Variants in PCDHGB1 observed in about 807,000 individuals in gnomAD.
PCDHGB1 encodes the protein protocadherin gamma subfamily B, 1, also known as protocadherin gamma-B1.
PCDHGB1 carries 34 observed loss-of-function variants against 56.6 expected under a neutral mutation model. The observed-to-expected ratio is 0.60, with a 90% CI of 0.46 to 0.80. The LOEUF is 0.80. Ranked by LOEUF, PCDHGB1 falls within the 30% of genes least tolerant of loss-of-function variation. The pLI is 0.00. For missense variants in PCDHGB1, 1,278 were observed against 1,204.6 expected, an observed-to-expected ratio of 1.06 and a Z score of -0.90; for synonymous variants, 561 against 505.9, an observed-to-expected ratio of 1.11 and a Z score of -1.46.
chr5:141,511,230 C>A lies in PCDHGB1; in HGVS notation c.*57C>A. On this transcript the variant is annotated 3_prime_UTR_variant, in exon 4 of 4. Transcript: ENST00000523390. ...CCTCTCCCCAACCAGCCCAGCTTCT[C>A]CTTACCTGCACCCAGGCCTCAGAGT... 6.3e-7 allele frequency: 1 copy of A among 1,597,914 alleles called. No homozygotes were observed. The highest frequency in any genetic ancestry group is 1.1e-5 in the South Asian group (1 of 89,144).
At chr5:141,406,021 G>A (rs530576205) in intron 1 of PCDHGB1, among the ~76,000 whole-genome samples, 1 of 151,382 alleles carries the variant, frequency 6.6e-6, no homozygotes, top group East Asian at 1.9e-4. Context: ...GGCTTTTTGG[G>A]TAGGGTTGCT....
At chr5:141,384,991 G>A in intron 1 of PCDHGB1, 2 of 1,614,124 alleles carry the variant, frequency 1.2e-6, no homozygotes, top group Non-Finnish European at 1.7e-6. Context: ...GGTGGCGGTG[G>A]CCACAGTCTC....
chr5:141,355,386 C>A (rs1561508672), intron 1 of PCDHGB1: 1 of 1,614,032 alleles, frequency 6.2e-7, no homozygotes. Context: ...TGGCGGAGCG[C>A]GGAGTCCGCA....
At chr5:141,501,997 C>A (rs2099812238) in intron 2 of PCDHGB1, among the ~76,000 whole-genome samples, 1 of 152,128 alleles carries the variant, frequency 6.6e-6, no homozygotes, top group Non-Finnish European at 1.5e-5. Context: ...GTCTCCCTGA[C>A]AACCCGCATG....
chr5:141,383,743 C>T (rs371173445), intron 1 of PCDHGB1: 56 of 1,613,920 alleles, frequency 3.5e-5, no homozygotes, highest in Non-Finnish European at 4.7e-5. Flanking sequence ...ATATTCTTTT[C>T]GGAAAATAAC....
chr5:141,355,817 C>G, intron 1 of PCDHGB1: 1 of 1,612,886 alleles, frequency 6.2e-7, no homozygotes, highest in African/African-American at 1.3e-5. Context: ...GAGGAAGAGG[C>G]GGTTCACCAC....
At chr5:141,418,163 T>G in intron 1 of PCDHGB1, 1 of 1,614,002 alleles carries the variant, frequency 6.2e-7, no homozygotes, top group Non-Finnish European at 8.5e-7. Context: ...GAGAAGAAGA[T>G]GTGAGTTGCA....
At chr5:141,417,887 C>T in intron 1 of PCDHGB1, 2 of 1,564,888 alleles carry the variant, frequency 1.3e-6, no homozygotes, top group Non-Finnish European at 1.7e-6. Flanking sequence ...GCAGAGGCGC[C>T]GGGCCGGCCC....
chr5:141,354,069 C>A (rs1759464021), intron 1 of PCDHGB1, among the ~76,000 whole-genome samples: 1 of 152,146 alleles, frequency 6.6e-6, no homozygotes, highest in South Asian at 2.1e-4. Context: ...TGTTCGGCTA[C>A]CAAAACATTT....
intron 1 of PCDHGB1, chr5:141,419,989 T>C (rs778087109): frequency 4.1e-5 from 66 of 1,613,962 alleles, no homozygotes; most frequent in Non-Finnish European, 5.2e-5. Context: ...TGATTCTAGC[T>C]ATTGCTCTAC....
intron 1 of PCDHGB1, chr5:141,383,013 G>T: frequency 6.2e-7 from 1 of 1,613,828 alleles, no homozygotes; most frequent in South Asian, 1.1e-5. Context: ...TGTCGGAGGA[G>T]ACGGACAAAG....
In PCDHGB1 at chr5:141,372,747, G is replaced by A; in HGVS notation, c.2409+20078G>A. ...ACCACAAGATCTTCTATGTGATGAA[G>A]CCTCTTGGTTTGAAAGTAATGACAA... On this transcript the variant is annotated intron_variant, in intron 1 of 3. Transcript: ENST00000523390. The A allele has an allele frequency of 2.5e-6, 4 of 1,613,418 alleles. 1 individual carries two copies. Among genetic ancestry groups the A allele is most frequent in the East Asian group, 4.5e-5 (2 of 44,880 alleles).
intron 3 of PCDHGB1, among the ~76,000 whole-genome samples, chr5:141,508,989 G>A (rs900798347): frequency 1.3e-5 from 2 of 152,110 alleles, no homozygotes; most frequent in Non-Finnish European, 2.9e-5. Flanking sequence ...GGGGCCAGCT[G>A]GGGTAGGAGA....
chr5:141,374,719 T>C, intron 1 of PCDHGB1: 3 of 1,610,224 alleles, frequency 1.9e-6, no homozygotes, highest in Non-Finnish European at 1.7e-6. Flanking sequence ...GCCTGGTCCT[T>C]ACTGCCATGG....
At chr5:141,414,629 G>A (rs2095766704) in intron 1 of PCDHGB1, 2 of 1,613,882 alleles carry the variant, frequency 1.2e-6, no homozygotes, top group Non-Finnish European at 1.7e-6. Context: ...GACCCGGACA[G>A]CAAAGAGAAT....
intron 1 of PCDHGB1, among the ~76,000 whole-genome samples, chr5:141,358,037 A>G (rs1416224011): frequency 6.6e-6 from 1 of 152,124 alleles, no homozygotes; most frequent in Non-Finnish European, 1.5e-5. Flanking sequence ...TAAAATACAA[A>G]AAGTTAGCTA....
chr5:141,374,042 C>T (rs757758510), intron 1 of PCDHGB1: 1 of 1,460,408 alleles, frequency 6.8e-7, no homozygotes, highest in Admixed American at 2.7e-5. Context: ...CAGATCTGTT[C>T]TTCCTCTTCT....
At chr5:141,368,452 C>G (rs75043959) in intron 1 of PCDHGB1, among the ~76,000 whole-genome samples, 11 of 151,980 alleles carry the variant, frequency 7.2e-5, no homozygotes, top group Middle Eastern at 3.4e-3. Context: ...ACAAACTCAC[C>G]GAATAGTGAA....
At position 141,487,603 on chromosome 5, in the gene PCDHGB1, C is replaced by T; in HGVS notation, c.2410-7204C>T. The stretch of plus-strand genomic sequence containing the variant: ...CAAGCTGCCCACCCTCTGATCTTCT[C>T]TATGGGCTAGAGGTGAGACCTTTGC... On this transcript the variant is annotated intron_variant, in intron 1 of 3. Transcript: ENST00000523390. This position sits in a 1 kb window ranked among gnomAD's most constrained non-coding sequence, Gnocchi z 5.0. 1.2e-6 allele frequency: 2 copies of T among 1,614,214 alleles called. No individual in the cohort carries two copies. Among genetic ancestry groups the T allele is most frequent in the Non-Finnish European group, 1.7e-6 (2 of 1,180,042 alleles).
Sources: allele counts gnomAD v4.1 joint callset (sites outside exome capture counted in the v4.1 genomes callset), GRCh38; gene constraint gnomAD v4.1.1; non-coding constraint Gnocchi (gnomAD v3.1); transcripts MANE v1.5; gene names NCBI Gene and HGNC (gene_info 2026-07-23, HGNC 2026-07-21).